USP47: variants seen among roughly 807,000 people sequenced by gnomAD.
USP47 encodes the protein ubiquitin carboxyl-terminal hydrolase 47.
Under a neutral mutation model 165.1 loss-of-function variants are expected in USP47, and 35 were observed. That is an observed-to-expected ratio of 0.21 (90% confidence interval 0.16 to 0.28). USP47 has a LOEUF of 0.28. Among genes scored for constraint, USP47 ranks in the 10% least tolerant of loss-of-function variants. USP47 has a pLI of 1.00. For synonymous variants in USP47, 531 were observed against 544.5 expected (o/e 0.98, Z 0.35); for missense variants, 1,277 against 1,607.4 (o/e 0.79, Z 3.52).
At chr11:11,930,230 G>A in intron 13 of USP47, 110 bp downstream of exon 13, 1 of 950,518 alleles carries the variant, frequency 1.1e-6, no homozygotes, top group Non-Finnish European at 1.6e-6. Flanking sequence ...TACAACCCAT[G>A]AGCCAAATCC....
intron 1 of USP47, among the ~76,000 whole-genome samples, chr11:11,863,195 G>A (rs572113053): frequency 2.0e-5 from 3 of 152,230 alleles, no homozygotes; most frequent in South Asian, 2.1e-4. Flanking sequence ...TTAAATTGAC[G>A]AGTCATGGGA....
chr11:11,957,025 C>T lies in USP47; in HGVS notation c.*850C>T, dbSNP rs528879707. 2 of 152,188 alleles carry T rather than the reference C, an allele frequency of 1.3e-5. No homozygotes were observed. Among genetic ancestry groups the T allele is most frequent in the Non-Finnish European group, 2.9e-5 (2 of 68,030 alleles). 9.4% of individuals were successfully genotyped at this position (152,188 alleles called of 1,614,324 possible). On this transcript the variant is annotated 3_prime_UTR_variant, in exon 28 of 28. Transcript: ENST00000527733. Reference sequence around the variant, plus strand: ...CATTTGTGTACATTGAGAAGTATAGCAATCTATGTAAATGTAATCCTCAGT... The same window carrying T: ...CATTTGTGTACATTGAGAAGTATAGTAATCTATGTAAATGTAATCCTCAGT...
intron 8 of USP47, among the ~76,000 whole-genome samples, chr11:11,912,239 T>C (rs1451234047): frequency 6.6e-6 from 1 of 151,704 alleles, no homozygotes; most frequent in African/African-American, 2.4e-5. Flanking sequence ...ATCAGTAACA[T>C]TGAACATGAG....
chr11:11,934,760 TG>T (rs771141486), intron 16 of USP47, among the ~76,000 whole-genome samples: 1 of 149,564 alleles, frequency 6.7e-6, no homozygotes, highest in African/African-American at 2.6e-5. Context: ...GAAAGGCAAA[TG>T]GGGTCACTGC....
At chr11:11,924,843 C>T (rs1854116643) in intron 11 of USP47, among the ~76,000 whole-genome samples, 1 of 151,656 alleles carries the variant, frequency 6.6e-6, no homozygotes, top group African/African-American at 2.4e-5. Context: ...CAATTTGTGT[C>T]GTCTTTTTAA....
At position 11,919,219 on chromosome 11, in the gene USP47, A is replaced by G. The variant is rs903601653; in HGVS notation, c.970-937A>G. On this transcript the variant is annotated intron_variant, in intron 8 of 27. Transcript: ENST00000527733. ...TGCCAGATATTTTGCAACTACGACC[A>G]TTAAGCTCCTTTATCTTTTGAGGAA... is the stretch of plus-strand genomic sequence containing the variant. Among the ~76,000 whole-genome samples the G allele has an allele frequency of 3.9e-5, 6 of 152,122 alleles. No homozygotes were observed. In the East Asian group the frequency reaches 7.7e-4, roughly 20 times the overall value.
chr11:11,961,860 T>C lies in USP47; in HGVS notation c.*5685T>C, dbSNP rs1344288723. On this transcript the variant is annotated 3_prime_UTR_variant, in exon 28 of 28. Coordinates refer to ENST00000527733, the MANE Select transcript of USP47 (RefSeq NM_001282659.2). ...TTGGGAGAGAGCAGCAGCAAGGTAT[T>C]CAAGCACCACCTCCACCCAGCCCCT... 6.6e-6 allele frequency among the ~76,000 whole-genome samples: 1 copy of C among 152,180 alleles called. No homozygotes were observed. The highest frequency in any genetic ancestry group is 2.4e-5 in the African/African-American group (1 of 41,446).
At chr11:11,912,524 T>C (rs913673967) in intron 8 of USP47, among the ~76,000 whole-genome samples, 17 of 152,106 alleles carry the variant, frequency 1.1e-4, no homozygotes, top group African/African-American at 3.9e-4. Context: ...GTTAAGGTAA[T>C]TACATTTATA....
At chr11:11,935,950 T>G (rs1315162068) in intron 16 of USP47, among the ~76,000 whole-genome samples, 1 of 151,962 alleles carries the variant, frequency 6.6e-6, no homozygotes, top group Non-Finnish European at 1.5e-5. Flanking sequence ...GTTGGCTGTT[T>G]GGTTGTTTTC....
chr11:11,961,741 T>G lies in USP47; in HGVS notation c.*5566T>G, dbSNP rs573471509. ...GAGCCCTCCCCTTACATTTCCTGGG[T>G]CATGGGGCCAGCCCTAGCTGCTGGA... On this transcript the variant is annotated 3_prime_UTR_variant, in exon 28 of 28. Coordinates refer to ENST00000527733, the MANE Select transcript of USP47 (RefSeq NM_001282659.2). Among the ~76,000 whole-genome samples, 1 of 152,320 alleles carries G rather than the reference T, an allele frequency of 6.6e-6. No homozygotes were observed. Among genetic ancestry groups the G allele is most frequent in the East Asian group, 1.9e-4 (1 of 5,182 alleles).
intron 16 of USP47, 116 bp from the exon 17 acceptor site, chr11:11,936,187 A>C: frequency 2.4e-6 from 1 of 415,006 alleles, no homozygotes; most frequent in Non-Finnish European, 3.6e-6. Flanking sequence ...GGATTTTGTT[A>C]GGGCCTATTG....
At chr11:11,882,140 A>G (rs1441586375) in intron 2 of USP47, among the ~76,000 whole-genome samples, 2 of 152,180 alleles carry the variant, frequency 1.3e-5, no homozygotes, top group South Asian at 4.1e-4. Flanking sequence ...GTAACCATCA[A>G]TCACTGCTCA....
At chr11:11,873,228 G>A (rs879376993) in intron 1 of USP47, among the ~76,000 whole-genome samples, 6 of 152,074 alleles carry the variant, frequency 3.9e-5, no homozygotes, top group Admixed American at 6.6e-5. Context: ...GACAAAATAT[G>A]TACAGAAAAA....
At chr11:11,863,963 A>C (rs1315166057) in intron 1 of USP47, among the ~76,000 whole-genome samples, 3 of 152,146 alleles carry the variant, frequency 2.0e-5, no homozygotes, top group Non-Finnish European at 2.9e-5. Flanking sequence ...TTTCTGGAGA[A>C]TGATACTTAG....
intron 14 of USP47, among the ~76,000 whole-genome samples, chr11:11,932,711 C>A (rs1260123210): frequency 6.6e-6 from 1 of 152,078 alleles, no homozygotes; most frequent in East Asian, 1.9e-4. Context: ...TTGCAGAGAG[C>A]TTTTTCATTC....
At chr11:11,925,147 G>A (rs1224137164) in intron 11 of USP47, among the ~76,000 whole-genome samples, 11 of 149,660 alleles carry the variant, frequency 7.3e-5, no homozygotes, top group Non-Finnish European at 1.0e-4. Flanking sequence ...TCGCTCTGTC[G>A]CCCAGGCTCC....
At chr11:11,859,553 C>T (rs762998801) in intron 1 of USP47, among the ~76,000 whole-genome samples, 1 of 152,074 alleles carries the variant, frequency 6.6e-6, no homozygotes, top group South Asian at 2.1e-4. Context: ...TGTGAGAATG[C>T]CAGTCAGAAA....
chr11:11,842,289 C>A, intron 1 of USP47, 65 bp downstream of exon 1: 1 of 1,512,898 alleles, frequency 6.6e-7, no homozygotes, highest in Non-Finnish European at 8.9e-7. Flanking sequence ...CAGGCCCGGG[C>A]CGGGGTTCGG....
chr11:11,939,382 TGTA>T (rs1463367013), intron 18 of USP47, among the ~76,000 whole-genome samples: 1 of 151,972 alleles, frequency 6.6e-6, no homozygotes, highest in African/African-American at 2.4e-5. Context: ...TTAGCAGAGT[TGTA>T]GTGAACATTA....
Sources: allele counts gnomAD v4.1 joint callset (sites outside exome capture counted in the v4.1 genomes callset), GRCh38; gene constraint gnomAD v4.1.1; transcripts MANE v1.5; gene names NCBI Gene and HGNC (gene_info 2026-07-23, HGNC 2026-07-21).